Variants in STON2 observed in about 807,000 individuals in gnomAD.
The protein encoded by STON2 is stonin-2.
A neutral mutation model predicts 65.7 loss-of-function variants in STON2; 29 were observed. The ratio of observed to expected loss-of-function variants is 0.44; its 90% confidence interval spans 0.33 to 0.60. STON2 has a LOEUF of 0.60. Ranked by LOEUF, STON2 falls within the 20% of genes least tolerant of loss-of-function variation. The pLI is 0.03. For missense variants in STON2, 1,054 were observed against 1,118.1 expected (o/e 0.94, Z 0.82); for synonymous variants, 404 against 414.2 (o/e 0.98, Z 0.30).
At chr14:81,284,572 A>T (rs1300434725) in intron 5 of STON2, among the ~76,000 whole-genome samples, 1 of 152,242 alleles carries the variant, frequency 6.6e-6, no homozygotes, top group Non-Finnish European at 1.5e-5. Flanking sequence ...TTTCCATAGC[A>T]TAAAAGTAGA....
chr14:81,426,215 G>T (rs569368694), intron 2 of STON2, among the ~76,000 whole-genome samples: 1 of 152,172 alleles, frequency 6.6e-6, no homozygotes, highest in East Asian at 1.9e-4. Flanking sequence ...AATGGTATCC[G>T]ACCCTAGTCT....
chr14:81,302,021 CT>C (rs1478569680), intron 5 of STON2, among the ~76,000 whole-genome samples: 1 of 152,160 alleles, frequency 6.6e-6, no homozygotes, highest in Non-Finnish European at 1.5e-5. Flanking sequence ...TAACATGACA[CT>C]GTGCACTGAG....
intron 2 of STON2, 63 bp downstream of exon 2, chr14:81,398,232 C>A: frequency 1.7e-6 from 2 of 1,165,564 alleles, no homozygotes; most frequent in Admixed American, 2.1e-5. Context: ...AAGTAGAAGC[C>A]ATAACAAATA....
chr14:81,363,710 A>G (rs1161112204), intron 4 of STON2, among the ~76,000 whole-genome samples: 1 of 152,242 alleles, frequency 6.6e-6, no homozygotes, highest in Non-Finnish European at 1.5e-5. Flanking sequence ...TGACGTTTGT[A>G]ACTAGGAGAA....
intron 3 of STON2, among the ~76,000 whole-genome samples, chr14:81,382,290 A>G (rs1899562594): frequency 6.6e-6 from 1 of 152,202 alleles, no homozygotes; most frequent in South Asian, 2.1e-4. Context: ...AATGGATTGT[A>G]GCATATTACT....
intron 3 of STON2, among the ~76,000 whole-genome samples, chr14:81,376,511 G>A (rs927865105): frequency 1.3e-5 from 2 of 151,986 alleles, no homozygotes; most frequent in Admixed American, 6.6e-5. Flanking sequence ...TGTCAGGCCA[G>A]GTGCTTTTAC....
rs1424537860 is a variant in STON2, at chr14:81,266,048, C to T, written c.*2366G>A. ...CCTTGACAAAAACCTCAAAGGAACT[C>T]CACTGTATTTCAAAGAGCATGAAAA... is the stretch of plus-strand genomic sequence containing the variant. On this transcript the variant is annotated 3_prime_UTR_variant, in exon 8 of 8. Coordinates refer to ENST00000614646, the MANE Select transcript of STON2 (RefSeq NM_001394390.1). 1 of 985,228 alleles carries T rather than the reference C, an allele frequency of 1.0e-6. No individual in the cohort carries two copies. The highest frequency in any genetic ancestry group is 1.1e-4 in the East Asian group (1 of 8,828). 61.0% of individuals were successfully genotyped at this position (985,228 alleles called of 1,614,324 possible).
rs1338959795 is a variant in STON2 at position 81,278,336 on chromosome 14, G to T, written c.1146C>A (p.Pro382=). 4.3e-6 allele frequency: 7 copies of T among 1,614,162 alleles called. No individual in the cohort carries two copies. The highest frequency in any genetic ancestry group is 1.6e-4 in the Middle Eastern group (1 of 6,062). ...FLNETLQDVQ[P]SPINPFSAFF... ...AAGCACTGAAAGGGTTGATAGGGGAGGGCTGTACATCCTGCAGAGTCTCAT... is the reference window on the plus strand; with the variant it reads ...AAGCACTGAAAGGGTTGATAGGGGATGGCTGTACATCCTGCAGAGTCTCAT... Residue 382 remains proline, a synonymous_variant, in exon 6 of 8, where the codon CCC becomes CCA. Transcript: ENST00000614646.
Position 81,270,723 on chromosome 14 carries a change from C to G in STON2, c.2731G>C (p.Asp911His). Residue 911 changes from aspartate (D) to histidine (H), a missense_variant, in exon 7 of 8, where the codon GAC (aspartate) becomes CAC (histidine). Transcript: ENST00000614646. ...KASVRSISVEDKTDVRKWVNY... is the reference protein window; with the variant it reads ...KASVRSISVEHKTDVRKWVNY... ...ACCCACTTCCTGACGTCAGTCTTGT[C>G]TTCTACAGAGATAGATCTCACGCTG... 1 of 1,614,162 alleles carries G rather than the reference C, an allele frequency of 6.2e-7. No individual in the cohort carries two copies. Among genetic ancestry groups the G allele is most frequent in the South Asian group, 1.1e-5 (1 of 91,084 alleles).
chr14:81,315,099 G>C (rs1896569741), intron 5 of STON2, among the ~76,000 whole-genome samples: 1 of 152,160 alleles, frequency 6.6e-6, no homozygotes, highest in South Asian at 2.1e-4. Context: ...TAAATGCAGA[G>C]GAAAACCTAC....
At chr14:81,325,936 TAA>T (rs541595414) in intron 4 of STON2, among the ~76,000 whole-genome samples, 5 of 144,766 alleles carry the variant, frequency 3.5e-5, no homozygotes, top group Admixed American at 1.4e-4. Context: ...CTCTACGGGT[TAA>T]AAAAAAAAAA....
chr14:81,435,456 G>T (rs1902379861), intron 1 of STON2, among the ~76,000 whole-genome samples: 1 of 152,136 alleles, frequency 6.6e-6, no homozygotes, highest in Admixed American at 6.5e-5. Context: ...TCAAAACAAC[G>T]CTATCAGACC....
chr14:81,295,291 C>T (rs1895717386), intron 5 of STON2, among the ~76,000 whole-genome samples: 1 of 152,092 alleles, frequency 6.6e-6, no homozygotes, highest in South Asian at 2.1e-4. Flanking sequence ...TGCCATTGCA[C>T]TCCAGCCTGG....
intron 4 of STON2, among the ~76,000 whole-genome samples, chr14:81,355,315 A>G (rs1258263116): frequency 6.6e-6 from 1 of 152,196 alleles, no homozygotes; most frequent in Non-Finnish European, 1.5e-5. Context: ...ATAAAATTCA[A>G]CCCAAAGAGG....
intron 3 of STON2, among the ~76,000 whole-genome samples, chr14:81,394,480 C>T (rs1294014564): frequency 6.6e-6 from 1 of 152,024 alleles, no homozygotes; most frequent in South Asian, 2.1e-4. Flanking sequence ...ATCTTGATTT[C>T]CAGAACCTGT....
chr14:81,276,454 G>C (rs79881390), intron 6 of STON2, among the ~76,000 whole-genome samples: 1 of 152,142 alleles, frequency 6.6e-6, no homozygotes, highest in African/African-American at 2.4e-5. Context: ...AGCTGGAGTC[G>C]TAAAATTAAC....
chr14:81,434,119 G>A (rs1902318477), intron 1 of STON2, among the ~76,000 whole-genome samples: 1 of 152,160 alleles, frequency 6.6e-6, no homozygotes, highest in Non-Finnish European at 1.5e-5. Flanking sequence ...CTGGAACTGT[G>A]CCACGGCGCC....
chr14:81,355,809 G>A (rs1898205069), intron 4 of STON2, among the ~76,000 whole-genome samples: 1 of 152,070 alleles, frequency 6.6e-6, no homozygotes, highest in Non-Finnish European at 1.5e-5. Context: ...CTCTCTGTTT[G>A]TCTGTTATTG....
At chr14:81,349,453 G>C (rs1897941342) in intron 4 of STON2, among the ~76,000 whole-genome samples, 1 of 151,956 alleles carries the variant, frequency 6.6e-6, no homozygotes, top group South Asian at 2.1e-4. Flanking sequence ...GTCAAAAGAA[G>C]ACATACAAAT....
Sources: allele counts gnomAD v4.1 joint callset (sites outside exome capture counted in the v4.1 genomes callset), GRCh38; gene constraint gnomAD v4.1.1; transcripts MANE v1.5; gene names NCBI Gene and HGNC (gene_info 2026-07-23, HGNC 2026-07-21).